Variants in ACAA2 observed in about 807,000 individuals in gnomAD.
ACAA2 encodes the protein 3-ketoacyl-CoA thiolase, mitochondrial.
Under a neutral mutation model 44.8 loss-of-function variants are expected in ACAA2, and 35 were observed. The ratio of observed to expected loss-of-function variants is 0.78; its 90% CI spans 0.60 to 1.04. The LOEUF (loss-of-function observed/expected upper bound fraction) is 1.04, where lower values mean the gene tolerates loss of function less well. ACAA2 is among the 50% of genes least tolerant of loss of function. ACAA2 has a pLI of 0.00. For missense variants in ACAA2, 468 were observed against 482.6 expected (o/e 0.97, Z 0.28); for synonymous variants, 142 against 166.5 (o/e 0.85, Z 1.13).
intron 7 of ACAA2, among the ~76,000 whole-genome samples, chr18:49,788,716 G>A (rs2023363157): frequency 1.3e-5 from 2 of 152,180 alleles, no homozygotes; most frequent in South Asian, 4.1e-4. Flanking sequence ...TTCCTTGTCT[G>A]CATAAACAAC....
intron 7 of ACAA2, 50 bp from the exon 8 acceptor site, chr18:49,787,411 T>TTATATTTACGTATC (rs1442669231): frequency 8.0e-6 from 10 of 1,246,762 alleles, no homozygotes; most frequent in African/African-American, 1.6e-5. Context: ...AAATGTCATC[T>TTATATTTACGTATC]TATATTTACG....
At chr18:49,791,046 G>A (rs1046146288) in intron 7 of ACAA2, among the ~76,000 whole-genome samples, 1 of 152,190 alleles carries the variant, frequency 6.6e-6, no homozygotes, top group Non-Finnish European at 1.5e-5. Context: ...GACTGAATGT[G>A]TGTAAAACAA....
intron 3 of ACAA2, 46 bp downstream of exon 3, chr18:49,797,420 A>C: frequency 6.4e-7 from 1 of 1,553,480 alleles, no homozygotes; most frequent in East Asian, 2.3e-5. Flanking sequence ...TTCTTCTAGT[A>C]ACTATTAACA....
chr18:49,792,382 A>C (rs1033363657), intron 5 of ACAA2, 55 bp from the exon 6 acceptor site: 2 of 1,412,728 alleles, frequency 1.4e-6, no homozygotes, highest in African/African-American at 1.4e-5. Context: ...CATGAAAATA[A>C]ATCAAACATA....
intron 2 of ACAA2, among the ~76,000 whole-genome samples, chr18:49,800,930 T>C (rs2023540513): frequency 6.7e-6 from 1 of 149,938 alleles, no homozygotes; most frequent in African/African-American, 2.5e-5. Flanking sequence ...TCATCATATG[T>C]AAAGTTGAAA....
intron 2 of ACAA2, among the ~76,000 whole-genome samples, chr18:49,800,715 TC>T (rs2023537183): frequency 6.6e-6 from 1 of 151,714 alleles, no homozygotes; most frequent in Admixed American, 6.6e-5. Flanking sequence ...TTGTTAAGAG[TC>T]ATCACCACTC....
Position 49,782,684 on chromosome 18 carries a change from T to TA in ACAA2, c.*1162dup, listed in dbSNP as rs1228279919. 2.6e-5 allele frequency: 4 copies of TA among 151,608 alleles called. No individual in the cohort carries two copies. The East Asian group carries it at 5.8e-4, about 22-fold the overall frequency. 9.4% of individuals were successfully genotyped at this position (151,608 alleles called of 1,614,324 possible). On this transcript the variant is annotated 3_prime_UTR_variant, in exon 10 of 10. Coordinates refer to ENST00000285093, the MANE Select transcript of ACAA2 (RefSeq NM_006111.3). Reference sequence around the variant, plus strand: ...TAACACGGTGAAACCCCATCTCTACTAAAAATACAAAAAATTAGCCGGGCG... The same window carrying TA: ...TAACACGGTGAAACCCCATCTCTACTAAAAAATACAAAAAATTAGCCGGGCG...
chr18:49,784,510 T>A (rs1187806509), intron 9 of ACAA2, among the ~76,000 whole-genome samples: 3 of 152,194 alleles, frequency 2.0e-5, no homozygotes, highest in Non-Finnish European at 2.9e-5. Flanking sequence ...TATCCAGGAA[T>A]TACTTTTGTA....
At chr18:49,803,809 G>C (rs934194123) in intron 1 of ACAA2, among the ~76,000 whole-genome samples, 1 of 151,876 alleles carries the variant, frequency 6.6e-6, no homozygotes, top group African/African-American at 2.4e-5. Flanking sequence ...CTGACAAAAG[G>C]TTCTCTCTAA....
rs2023285636 is a variant in ACAA2 at position 49,783,116 on chromosome 18, AAAG to A, written c.*728_*730del. 6.6e-6 allele frequency: 1 copy of A among 152,256 alleles called. No homozygotes were observed. The highest frequency in any genetic ancestry group is 2.1e-4 in the South Asian group (1 of 4,834). The allele number at this position is 152,256 out of a possible 1,614,324, so 9.4% of individuals were successfully genotyped here. A position where few individuals can be genotyped will look rare whatever the true frequency, so the allele number is the denominator to read the frequency against. On this transcript the variant is annotated 3_prime_UTR_variant, in exon 10 of 10. Transcript: ENST00000285093. ...CAGCAGAATATTATTCAGCCTTTAA[AAAG>A]AAGGAAATTCTGACACATGCTACAC... is the stretch of plus-strand genomic sequence containing the variant.
intron 1 of ACAA2, among the ~76,000 whole-genome samples, chr18:49,803,909 T>C (rs1179669803): frequency 4.8e-5 from 1 of 20,650 alleles, no homozygotes. Context: ...ATGATATTGC[T>C]TTTTTTTTTT....
In ACAA2 at chr18:49,802,774, C is replaced by A; in HGVS notation, c.96G>T (p.Leu32Phe). The A allele has an allele frequency of 1.2e-6, 2 of 1,614,164 alleles. No individual in the cohort carries two copies. The highest frequency in any genetic ancestry group is 1.7e-6 in the Non-Finnish European group (2 of 1,180,030). Residue 32 changes from leucine (L) to phenylalanine (F), a missense_variant, in exon 2 of 10, where the codon TTG becomes TTT. Physicochemically the swap from Leu to Phe is conservative, Grantham distance 22. Transcript: ENST00000285093. The part of the protein sequence containing the change: ...GLLKDFTATD[L>F]SEFAAKAALS... ...AGGCAGCCTTGGCAGCAAATTCAGACAAGTCAGTAGCAGTGAAGTCTTTCA... is the reference window on the plus strand; with the variant it reads ...AGGCAGCCTTGGCAGCAAATTCAGAAAAGTCAGTAGCAGTGAAGTCTTTCA...
chr18:49,812,172 T>C (rs1382063019), intron 1 of ACAA2, among the ~76,000 whole-genome samples: 1 of 152,240 alleles, frequency 6.6e-6, no homozygotes, highest in African/African-American at 2.4e-5. Context: ...TGCAGGAAAC[T>C]GTAAACACTG....
intron 4 of ACAA2, 113 bp from the exon 5 acceptor site, chr18:49,794,540 T>C (rs1328968202): frequency 2.3e-6 from 2 of 872,966 alleles, no homozygotes; most frequent in Non-Finnish European, 3.2e-6. Context: ...AAATTAAGAC[T>C]TTCTGATAAC....
At chr18:49,795,160 T>C (rs1239407509) in intron 4 of ACAA2, among the ~76,000 whole-genome samples, 1 of 152,196 alleles carries the variant, frequency 6.6e-6, no homozygotes, top group Non-Finnish European at 1.5e-5. Context: ...AACATTACTA[T>C]AGAAAATGCT....
chr18:49,800,749 C>T (rs1199267768), intron 2 of ACAA2, among the ~76,000 whole-genome samples: 1 of 152,138 alleles, frequency 6.6e-6, no homozygotes. Context: ...TACCCAGGGA[C>T]ACAAACACTG....
In ACAA2 at chr18:49,792,312, T is replaced by C; in HGVS notation, c.593A>G (p.Tyr198Cys). 6.2e-7 allele frequency: 1 copy of C among 1,613,460 alleles called. No homozygotes were observed. The highest frequency in any genetic ancestry group is 8.5e-7 in the Non-Finnish European group (1 of 1,179,636). Residue 198 changes from tyrosine (Y) to cysteine (C), a missense_variant, in exon 6 of 10, where the codon TAC (tyrosine) becomes TGC (cysteine). Transcript: ENST00000285093. ...QRWKAANDAG[Y>C]FNDEMAPIEV... ...AATTGGTGCCATTTCATCATTAAAG[T>C]AGCCAGCATCATTAGCTGAAAAATA...
intron 1 of ACAA2, among the ~76,000 whole-genome samples, chr18:49,806,589 T>C (rs1206444913): frequency 3.3e-5 from 5 of 152,216 alleles, no homozygotes; most frequent in Admixed American, 3.3e-4. Context: ...CCATCTGCAA[T>C]ATTCATAATA....
At chr18:49,799,631 T>C (rs866999775) in intron 2 of ACAA2, among the ~76,000 whole-genome samples, 24 of 151,344 alleles carry the variant, frequency 1.6e-4, no homozygotes, top group Middle Eastern at 3.2e-3. Context: ...TCTGCCCGGC[T>C]GCCACCCCGT....
Sources: allele counts gnomAD v4.1 joint callset (sites outside exome capture counted in the v4.1 genomes callset), GRCh38; gene constraint gnomAD v4.1.1; transcripts MANE v1.5; gene names NCBI Gene and HGNC (gene_info 2026-07-23, HGNC 2026-07-21).